The following MYO9B variants were observed in gnomAD, a reference collection of about 807,000 sequenced individuals.
The protein encoded by MYO9B is unconventional myosin-IXb.
In MYO9B, 71 loss-of-function variants were observed where a neutral mutation model predicts 229.5. That is an observed-to-expected ratio of 0.31 (90% confidence interval 0.26 to 0.38). The LOEUF is 0.38. Ranked by LOEUF, MYO9B falls within the 10% of genes least tolerant of loss-of-function variation. The pLI is 1.00. For missense variants in MYO9B, 2,255 were observed against 2,920.5 expected (o/e 0.77, Z 5.25); for synonymous variants, 1,185 against 1,235.8 (o/e 0.96, Z 0.86).
intron 2 of MYO9B, among the ~76,000 whole-genome samples, chr19:17,118,098 G>C (rs1037098816): frequency 6.6e-6 from 1 of 151,992 alleles, no homozygotes; most frequent in African/African-American, 2.4e-5. Flanking sequence ...GATGCTACTG[G>C]CTTCTGGTGG....
rs748426609 is a variant in MYO9B at position 17,189,318 on chromosome 19, C to CGGAAGGCAGAG, written c.2688+1273_2688+1274insGGAAGGCAGAG. ...TTCCAGCCTGGATGGCAGAGCAAGA[C>CGGAAGGCAGAG]CCTGTCTTAAAACAAAACAAAACAA... On this transcript the variant is annotated intron_variant, in intron 19 of 39. Coordinates refer to ENST00000682292, the MANE Select transcript of MYO9B (RefSeq NM_004145.4). Among the ~76,000 whole-genome samples the CGGAAGGCAGAG allele has an allele frequency of 3.3e-3, 496 of 151,954 alleles. 3 individuals carry two copies. Among genetic ancestry groups the CGGAAGGCAGAG allele is most frequent in the Middle Eastern group, 0.02 (6 of 294 alleles).
chr19:17,152,848 G>A, intron 4 of MYO9B, 142 bp downstream of exon 4: 2 of 685,876 alleles, frequency 2.9e-6, no homozygotes, highest in African/African-American at 1.8e-5. Context: ...AGCAGGGCCT[G>A]CCCATCCATC....
At position 17,193,149 on chromosome 19, in the gene MYO9B, G is replaced by T; in HGVS notation, c.3128+87G>T. ...ATTGCTGCCCGTGATATACCATCTGGCCTGTGGCACTAAGGGGATGTCATT... is the reference window on the plus strand; with the variant it reads ...ATTGCTGCCCGTGATATACCATCTGTCCTGTGGCACTAAGGGGATGTCATT... On this transcript the variant is annotated intron_variant, in intron 21 of 39. Coordinates refer to ENST00000682292, the MANE Select transcript of MYO9B (RefSeq NM_004145.4). This position sits in a 1 kb window ranked among gnomAD's most constrained non-coding sequence, Gnocchi z 4.3. 7.4e-7 allele frequency: 1 copy of T among 1,348,048 alleles called. No homozygotes were observed. The highest frequency in any genetic ancestry group is 1.6e-5 in the South Asian group (1 of 62,256). The allele number at this position is 1,348,048 out of a possible 1,614,324, so 83.5% of individuals were successfully genotyped here.
chr19:17,080,385 C>T (rs2057523685), intron 1 of MYO9B, among the ~76,000 whole-genome samples: 1 of 152,128 alleles, frequency 6.6e-6, no homozygotes, highest in African/African-American at 2.4e-5. Context: ...TTCGTGCCTT[C>T]GGAGGGCTGT....
rs534616020 is a variant in MYO9B at position 17,135,447 on chromosome 19, C to T, written c.841-9950C>T. ...CCTCCCTTCTGTCCACCCTGGACCC[C>T]ACATGATACTCCAGGCACACCAGCC... is the stretch of plus-strand genomic sequence containing the variant. On this transcript the variant is annotated intron_variant, in intron 2 of 39. Transcript: ENST00000682292. Among the ~76,000 whole-genome samples, 8 of 152,144 alleles carry T rather than the reference C, an allele frequency of 5.3e-5. No individual in the cohort carries two copies. In the East Asian group the frequency reaches 1.6e-3, roughly 30 times the overall value.
intron 1 of MYO9B, among the ~76,000 whole-genome samples, chr19:17,095,206 G>A (rs2123497819): frequency 6.6e-6 from 1 of 152,262 alleles, no homozygotes; most frequent in Non-Finnish European, 1.5e-5. Flanking sequence ...TCGCAGCACT[G>A]CAATGGAGTG....
At chr19:17,210,493 G>C (rs551610753) in intron 37 of MYO9B, 113 bp downstream of exon 37, 31 of 1,351,650 alleles carry the variant, frequency 2.3e-5, no homozygotes, top group Non-Finnish European at 3.1e-5. Context: ...CTAACCTTCC[G>C]GAAGTGCATG....
At chr19:17,132,525 A>AT (rs35184435) in intron 2 of MYO9B, among the ~76,000 whole-genome samples, 1,255 of 116,306 alleles carry the variant, frequency 0.011, 34 homozygotes, top group African/African-American at 0.025. Flanking sequence ...TATTATTATT[A>AT]TTTTTTTTTT....
rs771830779 is a variant in MYO9B at position 17,191,261 on chromosome 19, T to C, written c.2811+42T>C. On this transcript the variant is annotated intron_variant, in intron 20 of 39. Coordinates refer to ENST00000682292, the MANE Select transcript of MYO9B (RefSeq NM_004145.4). ...CTCGGGGCACTACAAACCCACACCC[T>C]GCCTTCCACCGCACACCGTGTCTCC... 11 of 1,590,344 alleles carry C rather than the reference T, an allele frequency of 6.9e-6. No homozygotes were observed. The Admixed American group carries it at 1.8e-4, about 25-fold the overall frequency.
At chr19:17,181,258 G>C (rs1029897647) in intron 15 of MYO9B, among the ~76,000 whole-genome samples, 3 of 152,162 alleles carry the variant, frequency 2.0e-5, no homozygotes, top group African/African-American at 4.8e-5. Flanking sequence ...CCAGCACACG[G>C]GGCAGCTTCC....
intron 14 of MYO9B, among the ~76,000 whole-genome samples, chr19:17,179,245 C>T (rs540572126): frequency 7.2e-5 from 11 of 151,998 alleles, no homozygotes; most frequent in Admixed American, 2.0e-4. Flanking sequence ...GGTACCGCCC[C>T]GGTTGAGAAC....
At chr19:17,122,614 T>G (rs115302168) in intron 2 of MYO9B, among the ~76,000 whole-genome samples, 2,255 of 152,284 alleles carry the variant, frequency 0.015, 62 homozygotes, top group African/African-American at 0.049. Context: ...CCAGGTGTGG[T>G]GGCACATGCT....
intron 20 of MYO9B, among the ~76,000 whole-genome samples, chr19:17,191,710 A>T (rs1289392055): frequency 6.6e-6 from 1 of 152,144 alleles, no homozygotes; most frequent in Non-Finnish European, 1.5e-5. Context: ...GCGAGGTGGC[A>T]TGCACGCAGA....
intron 15 of MYO9B, among the ~76,000 whole-genome samples, chr19:17,183,402 A>G (rs1480055100): frequency 6.6e-6 from 1 of 152,066 alleles, no homozygotes; most frequent in African/African-American, 2.4e-5. Context: ...CCTGGTCACC[A>G]CCAGGACTGC....
At chr19:17,086,440 C>G (rs1443102600) in intron 1 of MYO9B, among the ~76,000 whole-genome samples, 1 of 152,228 alleles carries the variant, frequency 6.6e-6, no homozygotes, top group Non-Finnish European at 1.5e-5. Flanking sequence ...GTTCCTATCC[C>G]CAGCTTCCCC....
intron 2 of MYO9B, among the ~76,000 whole-genome samples, chr19:17,119,797 A>AC (rs2057944143): frequency 6.6e-6 from 1 of 152,032 alleles, no homozygotes. Flanking sequence ...GACTACAGGC[A>AC]CCACCACCAT....
At chr19:17,199,513 G>GTTTT (rs372647990) in intron 24 of MYO9B, among the ~76,000 whole-genome samples, 161 of 146,656 alleles carry the variant, frequency 1.1e-3, no homozygotes, top group African/African-American at 3.8e-3. Flanking sequence ...TTTTTTGTTT[G>GTTTT]TTTTTTTTTT....
At chr19:17,199,133 A>T (rs1452570701) in intron 24 of MYO9B, among the ~76,000 whole-genome samples, 1 of 151,526 alleles carries the variant, frequency 6.6e-6, no homozygotes, top group Non-Finnish European at 1.5e-5. Context: ...AGGCCAAGAG[A>T]TCAAGCCTGC....
chr19:17,145,585 C>T (rs978664908), intron 3 of MYO9B, 94 bp downstream of exon 3: 25 of 1,101,390 alleles, frequency 2.3e-5, no homozygotes, highest in Non-Finnish European at 2.6e-5. Context: ...GAGATCATGG[C>T]TGTGTGGATG....
Sources: allele counts gnomAD v4.1 joint callset (sites outside exome capture counted in the v4.1 genomes callset), GRCh38; gene constraint gnomAD v4.1.1; non-coding constraint Gnocchi (gnomAD v3.1); transcripts MANE v1.5; gene names NCBI Gene and HGNC (gene_info 2026-07-23, HGNC 2026-07-21).